Variants in NCMAP observed in about 807,000 individuals in gnomAD.
The protein encoded by NCMAP is noncompact myelin-associated protein.
Under a neutral mutation model 7.8 loss-of-function variants are expected in NCMAP, and 8 were observed. That is an observed-to-expected ratio of 1.02 (90% CI 0.60 to 1.84). The LOEUF is 1.84. Ranked by LOEUF, NCMAP falls within the 40% of genes most tolerant of loss-of-function variation. The pLI, the probability that NCMAP is intolerant of heterozygous loss-of-function variation, is 0.00. For synonymous variants in NCMAP, 41 were observed against 52.9 expected (o/e 0.78, Z 0.98); for missense variants, 112 against 131.4 (o/e 0.85, Z 0.72).
chr1:24,597,664 A>AAAGAAAGC (rs1652300480), intron 2 of NCMAP, among the ~76,000 whole-genome samples: 1 of 136,480 alleles, frequency 7.3e-6, no homozygotes, highest in South Asian at 2.5e-4. Context: ...AGAAAGAAAG[A>AAAGAAAGC]AAGAAAGAAA....
At chr1:24,594,709 G>A (rs1570535434) in intron 1 of NCMAP, among the ~76,000 whole-genome samples, 1 of 152,020 alleles carries the variant, frequency 6.6e-6, no homozygotes, top group Non-Finnish European at 1.5e-5. Context: ...AATGGCTCAT[G>A]TCACTGACTG....
intron 1 of NCMAP, among the ~76,000 whole-genome samples, chr1:24,559,039 T>C (rs1057295123): frequency 1.6e-4 from 25 of 152,066 alleles, no homozygotes; most frequent in Admixed American, 4.6e-4. Context: ...TAAAAAGATA[T>C]ATATATTTGA....
chr1:24,599,240 A>G (rs149527283), intron 2 of NCMAP, among the ~76,000 whole-genome samples: 1,753 of 148,496 alleles, frequency 0.012, 26 homozygotes, highest in African/African-American at 0.042. Flanking sequence ...AGATCGTGCC[A>G]CTGCACTCCA....
intron 1 of NCMAP, among the ~76,000 whole-genome samples, chr1:24,572,759 C>T (rs1651427031): frequency 6.6e-6 from 1 of 150,704 alleles, no homozygotes. Flanking sequence ...ACACTTGCCT[C>T]GCACGTTCCG....
chr1:24,557,363 C>T lies in NCMAP; in HGVS notation c.-8+1194C>T, dbSNP rs140267207. 4.1e-3 allele frequency among the ~76,000 whole-genome samples: 619 copies of T among 152,142 alleles called. 2 individuals carry two copies. The Middle Eastern group carries it at 0.051, about 13-fold the overall frequency. On this transcript the variant is annotated intron_variant, in intron 1 of 3. Transcript: ENST00000374392. ...AGCCAAGAGCAACAGATTATAGGCA[C>T]CCCCTCTTATGGTGCATGTGTGTAT...
intron 1 of NCMAP, among the ~76,000 whole-genome samples, chr1:24,558,118 A>C (rs1650958672): frequency 6.6e-6 from 1 of 152,198 alleles, no homozygotes; most frequent in Non-Finnish European, 1.5e-5. Context: ...TGAGAAGCAA[A>C]GTTCTAAAGT....
intron 1 of NCMAP, among the ~76,000 whole-genome samples, chr1:24,577,701 A>G (rs955819877): frequency 6.6e-6 from 1 of 151,996 alleles, no homozygotes; most frequent in African/African-American, 2.4e-5. Context: ...TGCCCTGTTC[A>G]TGGCATAGAT....
chr1:24,576,938 G>T lies in NCMAP; in HGVS notation c.-7-18486G>T, dbSNP rs576740559. On this transcript the variant is annotated intron_variant, in intron 1 of 3. Transcript: ENST00000374392. The surrounding 1 kb of genome is among the most constrained non-coding windows in gnomAD (Gnocchi z 4.0). ...AGGTCAGGAGTTCAAGACCAGCCTG[G>T]CTAACATGACGAAATCCTGTCTCTA... is the stretch of plus-strand genomic sequence containing the variant. 6.2e-4 allele frequency among the ~76,000 whole-genome samples: 95 copies of T among 152,106 alleles called. 1 individual carries two copies. In the South Asian group the frequency reaches 0.019, roughly 30 times the overall value.
intron 1 of NCMAP, among the ~76,000 whole-genome samples, chr1:24,558,235 C>T (rs915393397): frequency 1.3e-5 from 2 of 152,184 alleles, no homozygotes; most frequent in African/African-American, 4.8e-5. Context: ...TTGCCAACAA[C>T]CCTTGTTTAA....
At chr1:24,584,157 G>A (rs894993578) in intron 1 of NCMAP, among the ~76,000 whole-genome samples, 14 of 152,146 alleles carry the variant, frequency 9.2e-5, no homozygotes, top group Non-Finnish European at 1.9e-4. Context: ...AGGGACAGCG[G>A]GACACCTGGA....
chr1:24,567,772 G>A (rs1042449697), intron 1 of NCMAP, among the ~76,000 whole-genome samples: 1 of 152,112 alleles, frequency 6.6e-6, no homozygotes, highest in Non-Finnish European at 1.5e-5. Flanking sequence ...GGGAAGAAGT[G>A]GAGGACATTC....
At chr1:24,580,399 G>A (rs1344804264) in intron 1 of NCMAP, among the ~76,000 whole-genome samples, 4 of 152,272 alleles carry the variant, frequency 2.6e-5, no homozygotes, top group Admixed American at 6.5e-5. Flanking sequence ...TGGTGAGGAC[G>A]GAGGGAAGGG....
At chr1:24,605,324 C>T (rs1041985228) in intron 3 of NCMAP, among the ~76,000 whole-genome samples, 9 of 152,082 alleles carry the variant, frequency 5.9e-5, no homozygotes, top group South Asian at 4.2e-4. Flanking sequence ...AATGTAATAT[C>T]TTTATTTTTA....
At chr1:24,561,056 G>A (rs6681683) in intron 1 of NCMAP, among the ~76,000 whole-genome samples, 34,965 of 151,640 alleles carry the variant, frequency 0.23, 4,265 homozygotes, top group African/African-American at 0.28. Context: ...AAATCATCCC[G>A]GCGCAGTGGC....
At chr1:24,560,033 C>T (rs1028378914) in intron 1 of NCMAP, among the ~76,000 whole-genome samples, 20 of 152,002 alleles carry the variant, frequency 1.3e-4, no homozygotes, top group African/African-American at 4.6e-4. Flanking sequence ...TGGTGGCGGG[C>T]GCCTGTGGTC....
chr1:24,578,641 C>T (rs1557597093), intron 1 of NCMAP, among the ~76,000 whole-genome samples: 2 of 148,744 alleles, frequency 1.3e-5, no homozygotes, highest in Non-Finnish European at 3.0e-5. Context: ...CAGCTCACTG[C>T]AGCCTCAACG....
chr1:24,562,976 G>T (rs1174479663), intron 1 of NCMAP, among the ~76,000 whole-genome samples: 2 of 122,040 alleles, frequency 1.6e-5, no homozygotes, highest in South Asian at 2.4e-4. Flanking sequence ...TGGCATCCCT[G>T]GGGGGGGACA....
intron 1 of NCMAP, among the ~76,000 whole-genome samples, chr1:24,567,471 C>CT (rs1651261715): frequency 6.6e-6 from 1 of 152,164 alleles, no homozygotes; most frequent in Admixed American, 6.5e-5. Context: ...AGGCATTCTG[C>CT]TAGGGGGTTA....
At chr1:24,556,294 G>A (rs1180242116) in intron 1 of NCMAP, 125 bp downstream of exon 1, 1 of 152,236 alleles carries the variant, frequency 6.6e-6, no homozygotes, top group African/African-American at 2.4e-5. Flanking sequence ...CGGGGGTGGG[G>A]ACGAGGGGTC....
Sources: gnomAD v4.1 joint callset for allele counts (sites outside exome capture counted in the v4.1 genomes callset) on GRCh38, gnomAD v4.1.1 for gene constraint, Gnocchi (gnomAD v3.1) non-coding constraint, MANE v1.5 for transcripts, NCBI Gene and HGNC (gene_info 2026-07-23, HGNC 2026-07-21) for gene names.